Variants in GATA3 observed in about 807,000 individuals in gnomAD.
GATA3 encodes the protein GATA binding protein 3, also known as trans-acting T-cell-specific transcription factor GATA-3.
Under a neutral mutation model 36.0 loss-of-function variants are expected in GATA3, and 6 were observed. That is an observed-to-expected ratio of 0.17 (90% CI 0.09 to 0.33). GATA3 has a LOEUF of 0.33. Ranked by LOEUF, GATA3 falls within the 10% of genes least tolerant of loss-of-function variation. The pLI, the probability that GATA3 is intolerant of heterozygous loss-of-function variation, is 1.00. For synonymous variants in GATA3, 326 were observed against 273.0 expected, an observed-to-expected ratio of 1.19 and a Z score of -1.92; for missense variants, 514 against 610.1, an observed-to-expected ratio of 0.84 and a Z score of 1.66.
chr10:8,065,700 G>GTTTTTTTTT (rs748515966), intron 4 of GATA3, among the ~76,000 whole-genome samples: 116 of 62,242 alleles, frequency 1.9e-3, no homozygotes, highest in Non-Finnish European at 2.3e-3. Context: ...CAGCAGTTTG[G>GTTTTTTTTT]TTTTTTTTTT....
chr10:8,068,365 T>A (rs1358504424), intron 4 of GATA3, among the ~76,000 whole-genome samples: 1 of 152,202 alleles, frequency 6.6e-6, no homozygotes, highest in Non-Finnish European at 1.5e-5. Context: ...GCAACATTCC[T>A]TGGTCTTTTG....
Position 8,055,458 on chromosome 10 carries a change from C to A in GATA3, c.-198C>A. 2 of 644,660 alleles carry A rather than the reference C, an allele frequency of 3.1e-6. No individual in the cohort carries two copies. The highest frequency in any genetic ancestry group is 1.9e-5 in the South Asian group (1 of 51,370). 39.9% of individuals were successfully genotyped at this position (644,660 alleles called of 1,614,324 possible). On this transcript the variant is annotated 5_prime_UTR_variant, in exon 2 of 6. Coordinates refer to ENST00000379328, the MANE Select transcript of GATA3 (RefSeq NM_001002295.2). The surrounding 1 kb of genome is among the most constrained non-coding windows in gnomAD (Gnocchi z 5.4). ...CCTTCTTCTCTTTGCTAAACGACCC[C>A]TCCAAGATAATTTTTAAAAAACCTT...
chr10:8,054,246 A>G (rs974361032), upstream of GATA3, among the ~76,000 whole-genome samples: 2 of 152,228 alleles, frequency 1.3e-5, no homozygotes, highest in Admixed American at 6.5e-5. This position sits in a 1 kb window ranked among gnomAD's most constrained non-coding sequence, Gnocchi z 4.2. Context: ...AGATCCTAAT[A>G]ATGATCCATG....
intron 5 of GATA3, among the ~76,000 whole-genome samples, chr10:8,072,016 G>C (rs1356164348): frequency 6.6e-6 from 1 of 152,154 alleles, no homozygotes; most frequent in African/African-American, 2.4e-5. Context: ...TGTCATCTCT[G>C]TAGGCTGCAT....
chr10:8,069,763 A>C (rs1339072339), intron 5 of GATA3, among the ~76,000 whole-genome samples, 165 bp downstream of exon 5: 2 of 152,278 alleles, frequency 1.3e-5, no homozygotes, highest in South Asian at 2.1e-4. Context: ...TTTGTCTAGC[A>C]TAGCCGTGCT....
upstream of GATA3, chr10:8,052,770 CAGG>C (rs1311584243): frequency 1.3e-5 from 2 of 151,972 alleles, no homozygotes; most frequent in East Asian, 3.9e-4. Context: ...GCGCTGTGAG[CAGG>C]AGAAGATGCG....
upstream of GATA3, among the ~76,000 whole-genome samples, chr10:8,048,645 G>A (rs1832421147): frequency 6.6e-6 from 1 of 152,144 alleles, no homozygotes. Context: ...GAGGGAGGGA[G>A]AGAGCTGAAA....
At chr10:8,061,327 C>T (rs187450732) in intron 3 of GATA3, among the ~76,000 whole-genome samples, 1 of 152,294 alleles carries the variant, frequency 6.6e-6, no homozygotes, top group Non-Finnish European at 1.5e-5. Context: ...GCATCTCCCT[C>T]CACTGTCATC....
At chr10:8,067,276 T>G (rs1233483645) in intron 4 of GATA3, among the ~76,000 whole-genome samples, 1 of 152,196 alleles carries the variant, frequency 6.6e-6, no homozygotes. Flanking sequence ...ATCTTCTCCC[T>G]TATGATAGGC....
rs757149716 is a variant in GATA3, at chr10:8,055,700, C to A, written c.45C>A (p.His15Gln). Residue 15 changes from histidine to glutamine, a missense_variant, in exon 2 of 6, where the codon CAC becomes CAA. By Grantham distance (24) the His-to-Gln change is conservative. Coordinates refer to ENST00000379328, the MANE Select transcript of GATA3 (RefSeq NM_001002295.2). The surrounding 1 kb of genome is among the most constrained non-coding windows in gnomAD (Gnocchi z 5.4). Reference sequence around the variant, plus strand: ...AGCCGCGCTGGGTGAGCCACCACCACCCCGCCGTGCTCAACGGGCAGCACC... The same window carrying A: ...AGCCGCGCTGGGTGAGCCACCACCAACCCGCCGTGCTCAACGGGCAGCACC... ...ADQPRWVSHHHPAVLNGQHPD... is the reference protein window; with the variant it reads ...ADQPRWVSHHQPAVLNGQHPD... The A allele has an allele frequency of 1.3e-6, 2 of 1,561,236 alleles. No individual in the cohort carries two copies. The highest frequency in any genetic ancestry group is 8.7e-7 in the Non-Finnish European group (1 of 1,153,094).
At chr10:8,049,994 CGGGCGCCCGGCGT>C (rs1228378610), upstream of GATA3, among the ~76,000 whole-genome samples, 8 of 152,284 alleles carry the variant, frequency 5.3e-5, no homozygotes, top group Admixed American at 5.2e-4. Context: ...GGCGGTCCCG[CGGGCGCCCGGCGT>C]GGGCTAGAGA....
At chr10:8,047,351 C>T (rs1035628725) in intron 1 of GATA3, among the ~76,000 whole-genome samples, 4 of 152,216 alleles carry the variant, frequency 2.6e-5, no homozygotes, top group Middle Eastern at 3.2e-3. Context: ...CCCAAAACCA[C>T]CTCTGTCCTC....
At position 8,055,838 on chromosome 10, in the gene GATA3, G is replaced by T. The variant is rs1259276770; in HGVS notation, c.183G>T (p.Pro61=). The change falls in exon 2 of 6, where the codon CCG becomes CCT. Residue 61 remains proline (P), a synonymous_variant. Transcript: ENST00000379328. The surrounding 1 kb of genome is among the most constrained non-coding windows in gnomAD (Gnocchi z 5.4). ...TCGACGGTCAAGGCAACCACGTCCC[G>T]CCCTACTACGGAAACTCGGTCAGGG... ...FNIDGQGNHV[P]PYYGNSVRAT... The T allele has an allele frequency of 2.5e-6, 4 of 1,583,800 alleles. No individual in the cohort carries two copies. Among genetic ancestry groups the T allele is most frequent in the Admixed American group, 1.8e-5 (1 of 56,158 alleles).
Position 8,074,689 on chromosome 10 carries a change from C to G in GATA3, c.*666C>G, listed in dbSNP as rs11540806. ...GCCTACATGCTTTGTGAACAAGTCC[C>G]TGTAATTGTTGTTTGTATGTATAAT... On this transcript the variant is annotated 3_prime_UTR_variant, in exon 6 of 6. Transcript: ENST00000379328. 4.3e-6 allele frequency: 1 copy of G among 233,576 alleles called. No homozygotes were observed. Among genetic ancestry groups the G allele is most frequent in the Non-Finnish European group, 8.5e-6 (1 of 118,088 alleles). 14.5% of individuals were successfully genotyped at this position (233,576 alleles called of 1,614,324 possible). A position where few individuals can be genotyped will look rare whatever the true frequency, so the allele number is the denominator to read the frequency against.
intron 1 of GATA3, among the ~76,000 whole-genome samples, chr10:8,046,967 C>T (rs1307596598): frequency 2.0e-5 from 3 of 152,160 alleles, no homozygotes; most frequent in South Asian, 2.1e-4. Context: ...GCCCATCCTC[C>T]ACTCTGCACA....
At chr10:8,058,179 C>A in intron 2 of GATA3, 126 bp from the exon 3 acceptor site, 2 of 1,058,344 alleles carry the variant, frequency 1.9e-6, no homozygotes, top group African/African-American at 1.6e-5. Context: ...GAGAGTGGGC[C>A]TGAGCCCGGG....
At chr10:8,069,377 C>T (rs1832894717) in intron 4 of GATA3, 96 bp from the exon 5 acceptor site, 2 of 1,231,568 alleles carry the variant, frequency 1.6e-6, no homozygotes, top group Non-Finnish European at 2.4e-6. Flanking sequence ...ATAATTTCTT[C>T]CTTCCTTTTT....
At position 8,058,504 on chromosome 10, in the gene GATA3, C is replaced by T. The variant is rs2131489272; in HGVS notation, c.441C>T (p.Ser147=). The change falls in exon 3 of 6, where the codon AGC becomes AGT. Residue 147 remains serine (S), a synonymous_variant. Coordinates refer to ENST00000379328, the MANE Select transcript of GATA3 (RefSeq NM_001002295.2). The part of the protein sequence containing the change: ...SSSSLSGGHA[S]PHLFTFPPTP... ...CCTCCTTGTCGGGGGGCCACGCCAG[C>T]CCGCACCTCTTCACCTTCCCGCCCA... The T allele has an allele frequency of 6.2e-7, 1 of 1,612,260 alleles. No homozygotes were observed. Among genetic ancestry groups the T allele is most frequent in the Middle Eastern group, 1.7e-4 (1 of 6,060 alleles).
chr10:8,067,668 A>G (rs769949455), intron 4 of GATA3, among the ~76,000 whole-genome samples: 13 of 150,520 alleles, frequency 8.6e-5, no homozygotes, highest in Admixed American at 5.9e-4. Flanking sequence ...AAATACAAAA[A>G]ATTAGCTGGG....
Sources: gnomAD v4.1 joint callset for allele counts (sites outside exome capture counted in the v4.1 genomes callset) on GRCh38, gnomAD v4.1.1 for gene constraint, Gnocchi (gnomAD v3.1) non-coding constraint, MANE v1.5 for transcripts, NCBI Gene and HGNC (gene_info 2026-07-23, HGNC 2026-07-21) for gene names.